Variants in AKT3 observed in about 807,000 individuals in gnomAD.
AKT3 encodes AKT serine/threonine kinase 3.
A neutral mutation model predicts 65.3 loss-of-function variants in AKT3; 15 were observed. The observed-to-expected ratio is 0.23, with a 90% CI of 0.15 to 0.35. The LOEUF (loss-of-function observed/expected upper bound fraction) is 0.35, where lower values mean the gene tolerates loss of function less well. Ranked by LOEUF, AKT3 falls within the 10% of genes least tolerant of loss-of-function variation. The pLI is 1.00. For missense variants in AKT3, 243 were observed against 576.5 expected, an observed-to-expected ratio of 0.42 and a Z score of 5.92; for synonymous variants, 206 against 183.8, an observed-to-expected ratio of 1.12 and a Z score of -0.98.
At chr1:243,849,909 GCCCCCGCCTCACCCCACCCCGCCGCCAT>G in intron 1 of AKT3, 103 bp downstream of exon 1, 1 of 669,088 alleles carries the variant, frequency 1.5e-6, no homozygotes, top group Non-Finnish European at 1.8e-6. Flanking sequence ...CAACCCAGAA[GCCCCCGCCTCACCCCACCCCGCCGCCAT>G]CCCCCGCCTG....
At chr1:243,562,760 T>C (rs754989447) in intron 10 of AKT3, among the ~76,000 whole-genome samples, 3 of 152,134 alleles carry the variant, frequency 2.0e-5, no homozygotes, top group Non-Finnish European at 4.4e-5. Flanking sequence ...TGAAGATGCT[T>C]CCTGATGACT....
chr1:243,741,478 A>G (rs1021580760), intron 2 of AKT3, among the ~76,000 whole-genome samples: 2 of 152,252 alleles, frequency 1.3e-5, no homozygotes, highest in African/African-American at 4.8e-5. Context: ...TAATCTTGGC[A>G]ATAACTATAA....
At chr1:243,782,655 A>G (rs1690986973) in intron 2 of AKT3, among the ~76,000 whole-genome samples, 1 of 152,192 alleles carries the variant, frequency 6.6e-6, no homozygotes, top group Admixed American at 6.5e-5. Flanking sequence ...CCAGAAGCAA[A>G]CCCATATATA....
chr1:243,533,863 G>A (rs536361578), intron 12 of AKT3, among the ~76,000 whole-genome samples: 28 of 152,218 alleles, frequency 1.8e-4, no homozygotes, highest in Admixed American at 1.2e-3. Flanking sequence ...GGTGGTGGGC[G>A]CCTGTAGTCC....
chr1:243,498,183 C>G (rs920076716), downstream of AKT3, among the ~76,000 whole-genome samples: 2 of 152,214 alleles, frequency 1.3e-5, no homozygotes, highest in Non-Finnish European at 2.9e-5. Flanking sequence ...AGTTCGATCA[C>G]CTGGCCTGGA....
chr1:243,607,226 A>G (rs1367339350), intron 8 of AKT3, among the ~76,000 whole-genome samples: 1 of 152,198 alleles, frequency 6.6e-6, no homozygotes, highest in Non-Finnish European at 1.5e-5. Context: ...ACGGTAATCT[A>G]CTGACAGCTT....
intron 2 of AKT3, among the ~76,000 whole-genome samples, chr1:243,814,346 T>G: frequency 6.6e-6 from 1 of 152,210 alleles, no homozygotes; most frequent in Middle Eastern, 3.4e-3. Context: ...TTTAAATACT[T>G]TTACAATATA....
At chr1:243,578,367 G>A (rs1675096119) in intron 8 of AKT3, among the ~76,000 whole-genome samples, 3 of 152,162 alleles carry the variant, frequency 2.0e-5, no homozygotes, top group Admixed American at 1.3e-4. Flanking sequence ...AAAGGAATGA[G>A]CTCATGTCCT....
chr1:243,658,107 T>C (rs181821230), intron 4 of AKT3, among the ~76,000 whole-genome samples: 8 of 152,190 alleles, frequency 5.3e-5, no homozygotes, highest in Admixed American at 2.6e-4. Flanking sequence ...AATAGATGAG[T>C]AGAAGTATAT....
chr1:243,560,017 T>A (rs1414248923), intron 10 of AKT3, among the ~76,000 whole-genome samples: 8 of 152,086 alleles, frequency 5.3e-5, no homozygotes, highest in Admixed American at 1.3e-4. Context: ...TGCTCTCAAT[T>A]CACAAGTAAT....
intron 3 of AKT3, among the ~76,000 whole-genome samples, chr1:243,677,696 A>T (rs1683615177): frequency 6.6e-6 from 1 of 152,176 alleles, no homozygotes; most frequent in African/African-American, 2.4e-5. Flanking sequence ...CCCTTGGAGA[A>T]AAATAAAAAG....
chr1:243,524,566 A>C (rs1670925913), intron 12 of AKT3, among the ~76,000 whole-genome samples: 1 of 152,260 alleles, frequency 6.6e-6, no homozygotes, highest in Non-Finnish European at 1.5e-5. Flanking sequence ...CATAACATTC[A>C]CTGGTAATTC....
intron 3 of AKT3, among the ~76,000 whole-genome samples, chr1:243,678,549 T>C (rs1391262894): frequency 6.6e-6 from 1 of 152,224 alleles, no homozygotes; most frequent in Non-Finnish European, 1.5e-5. Context: ...TAGCATATTA[T>C]CAGTTGATTC....
intron 2 of AKT3, among the ~76,000 whole-genome samples, chr1:243,794,880 T>G (rs137914233): frequency 6.6e-6 from 1 of 152,314 alleles, no homozygotes; most frequent in East Asian, 1.9e-4. Flanking sequence ...TCTGCTAAAT[T>G]CTGTTACCAC....
chr1:243,841,376 G>A (rs1459938892), intron 2 of AKT3, among the ~76,000 whole-genome samples: 1 of 152,000 alleles, frequency 6.6e-6, no homozygotes, highest in Non-Finnish European at 1.5e-5. Flanking sequence ...TCTTGTGAAA[G>A]CAGATTTTAG....
At chr1:243,489,353 T>A (rs1170001913) in intron 13 of AKT3, among the ~76,000 whole-genome samples, 1 of 152,030 alleles carries the variant, frequency 6.6e-6, no homozygotes, top group African/African-American at 2.4e-5. Flanking sequence ...TCCGTGCAGG[T>A]GAACAGACCC....
chr1:243,489,262 G>C, intron 13 of AKT3: 1 of 1,344,440 alleles, frequency 7.4e-7, no homozygotes, highest in Non-Finnish European at 1.0e-6. Flanking sequence ...AGCTGGGAGG[G>C]AGGTCCCGAA....
chr1:243,526,262 C>G (rs1379280606), intron 12 of AKT3, among the ~76,000 whole-genome samples: 1 of 152,048 alleles, frequency 6.6e-6, no homozygotes, highest in East Asian at 1.9e-4. Context: ...AGACTGAAAC[C>G]CGTGTTAATT....
intron 2 of AKT3, among the ~76,000 whole-genome samples, chr1:243,764,759 A>T (rs1293572885): frequency 6.6e-6 from 1 of 152,134 alleles, no homozygotes; most frequent in Non-Finnish European, 1.5e-5. Context: ...TGTTACTCAA[A>T]TATGTTATCA....
Sources: gnomAD v4.1 joint callset for allele counts (sites outside exome capture counted in the v4.1 genomes callset) on GRCh38, gnomAD v4.1.1 for gene constraint, MANE v1.5 for transcripts, NCBI Gene and HGNC (gene_info 2026-07-23, HGNC 2026-07-21) for gene names.